Variants in FBXL16 observed in about 807,000 individuals in gnomAD.
The protein encoded by FBXL16 is F-box/LRR-repeat protein 16.
FBXL16 carries 7 observed loss-of-function variants against 36.7 expected under a neutral mutation model. The observed-to-expected ratio is 0.19, with a 90% CI of 0.11 to 0.36. FBXL16 has a LOEUF of 0.36. Ranked by LOEUF, FBXL16 falls within the 10% of genes least tolerant of loss-of-function variation. FBXL16 has a pLI of 1.00. For synonymous variants in FBXL16, 355 were observed against 308.7 expected (o/e 1.15, Z -1.57); for missense variants, 463 against 659.4 (o/e 0.70, Z 3.26).
At position 697,356 on chromosome 16, in the gene FBXL16, C is replaced by G; in HGVS notation, c.50G>C (p.Arg17Pro). 3 of 1,536,902 alleles carry G rather than the reference C, an allele frequency of 2.0e-6. No individual in the cohort carries two copies. Among genetic ancestry groups the G allele is most frequent in the African/African-American group, 1.4e-5 (1 of 73,198 alleles). The change falls in exon 2 of 6, where the codon CGA becomes CCA. Residue 17 changes from arginine to proline, a missense_variant. Physicochemically the swap from Arg to Pro is moderately radical, Grantham distance 103. Coordinates refer to ENST00000397621, the MANE Select transcript of FBXL16 (RefSeq NM_153350.4). The surrounding 1 kb of genome is among the most constrained non-coding windows in gnomAD (Gnocchi z 4.6). ...GCCCGGCAGCTTCACCAGACCGTTT[C>G]GAGGCAAGCATGGAGGCTTGGGGTC... ...DGDPKPPCLP[R>P]NGLVKLPGQP...
rs551918404 is a variant in FBXL16 at position 697,187 on chromosome 16, C to T, written c.219G>A (p.Pro73=). The T allele has an allele frequency of 8.5e-4, 1,315 of 1,552,260 alleles. 9 individuals carry two copies. Among genetic ancestry groups the T allele is most frequent in the East Asian group, 1.3e-3 (57 of 43,864 alleles). The change falls in exon 2 of 6, where the codon CCG becomes CCA. Residue 73 remains proline, a synonymous_variant. Coordinates refer to ENST00000397621, the MANE Select transcript of FBXL16 (RefSeq NM_153350.4). The surrounding 1 kb of genome is among the most constrained non-coding windows in gnomAD (Gnocchi z 4.6). ...AGGCTGGTCCACCTGCCGGGGTGCA[C>T]GGGCCCCCAGCCAGGGCAGCCCGGG... The part of the protein sequence containing the change: ...PLSRAALAGG[P]CTPAGGPASA...
intron 2 of FBXL16, among the ~76,000 whole-genome samples, chr16:696,425 G>A (rs913992381): frequency 6.6e-6 from 1 of 151,958 alleles, no homozygotes; most frequent in Admixed American, 6.6e-5. Context: ...CACCAGGCCT[G>A]GCTAATTTCT....
chr16:705,587 C>G lies in FBXL16; in HGVS notation c.-90G>C, dbSNP rs901734414. On this transcript the variant is annotated 5_prime_UTR_variant, in exon 1 of 6. Transcript: ENST00000397621. ...GTCATGGGGAGCCCGGCATGGGCGT[C>G]GGCGCGCGGGGGCCGCCGGGGTGCT... 1 of 150,108 alleles carries G rather than the reference C, an allele frequency of 6.7e-6. No homozygotes were observed. The highest frequency in any genetic ancestry group is 2.4e-5 in the African/African-American group (1 of 41,140). 9.3% of individuals were successfully genotyped at this position (150,108 alleles called of 1,614,324 possible). A position where few individuals can be genotyped will look rare whatever the true frequency, so the allele number is the denominator to read the frequency against.
chr16:694,660 C>G lies in FBXL16; in HGVS notation c.1265G>C (p.Gly422Ala), dbSNP rs894171479. 2 of 1,610,200 alleles carry G rather than the reference C, an allele frequency of 1.2e-6. No homozygotes were observed. Residue 422 changes from glycine (G) to alanine (A), a missense_variant, in exon 5 of 6, where the codon GGG (glycine) becomes GCG (alanine). This residue lies in a region of FBXL16 where 134 missense variants were observed against 172.0 expected (regional missense o/e 0.78). Transcript: ENST00000397621. ...DFGLKHLLALGSLRLLSLAGC... is the reference protein window; with the variant it reads ...DFGLKHLLALASLRLLSLAGC... ...TGCCAGAGACAGGAGGCGCAAACTC[C>G]CCAGGGCCAGGAGGTGCTTCAGCCC...
chr16:700,536 C>T (rs528335030), intron 1 of FBXL16, among the ~76,000 whole-genome samples: 127 of 152,236 alleles, frequency 8.3e-4, no homozygotes, highest in African/African-American at 3.0e-3. Context: ...CTCTGAGGAG[C>T]GAATTTGCCC....
chr16:700,366 G>A (rs1277309259), intron 1 of FBXL16, among the ~76,000 whole-genome samples: 3 of 152,182 alleles, frequency 2.0e-5, no homozygotes, highest in Non-Finnish European at 4.4e-5. Context: ...ACCCACAGCC[G>A]GTGACCCCCA....
intron 1 of FBXL16, among the ~76,000 whole-genome samples, chr16:701,990 G>C (rs1158305165): frequency 6.6e-6 from 1 of 152,180 alleles, no homozygotes; most frequent in African/African-American, 2.4e-5. Flanking sequence ...CGTGGCCTCT[G>C]TGTCCTCCCC....
At chr16:705,310 G>A (rs1180765227) in intron 1 of FBXL16, among the ~76,000 whole-genome samples, 1 of 151,568 alleles carries the variant, frequency 6.6e-6, no homozygotes. Context: ...GGGCCGGGGC[G>A]CGGGGCTGCG....
At chr16:694,558 C>T (rs1372593129) in intron 5 of FBXL16, 76 bp downstream of exon 5, 2 of 1,531,730 alleles carry the variant, frequency 1.3e-6, no homozygotes, top group African/African-American at 2.7e-5. Flanking sequence ...TGCACAAGGA[C>T]CGGGCAGGTT....
intron 3 of FBXL16, 25 bp downstream of exon 3, chr16:695,390 C>A: frequency 6.7e-7 from 1 of 1,496,474 alleles, no homozygotes; most frequent in South Asian, 1.2e-5. Context: ...CCCAGCCCCG[C>A]CCGGCGCGGC....
In FBXL16 at chr16:693,493, A is replaced by T. The variant is rs1458995042; in HGVS notation, c.*782T>A. ...AGGCCGACCGGAGTCAGCTGGGATC[A>T]CGTTAATGACTCCAAGCGATCGCCA... On this transcript the variant is annotated 3_prime_UTR_variant, in exon 6 of 6. Transcript: ENST00000397621. 1 of 152,570 alleles carries T rather than the reference A, an allele frequency of 6.6e-6. No individual in the cohort carries two copies. The highest frequency in any genetic ancestry group is 1.5e-5 in the Non-Finnish European group (1 of 68,072). The allele number at this position is 152,570 out of a possible 1,614,324, so 9.5% of individuals were successfully genotyped here.
chr16:704,707 G>A (rs899436071), intron 1 of FBXL16, among the ~76,000 whole-genome samples: 1 of 152,248 alleles, frequency 6.6e-6, no homozygotes. Context: ...GCACGGGTGT[G>A]GGGGAAGGGC....
intron 4 of FBXL16, 37 bp downstream of exon 4, chr16:694,955 C>T: frequency 6.6e-7 from 1 of 1,507,682 alleles, no homozygotes; most frequent in South Asian, 1.3e-5. Context: ...CCCACCTCCC[C>T]GCCGATCCCC....
chr16:699,334 G>A (rs530663394), intron 1 of FBXL16, among the ~76,000 whole-genome samples: 157 of 152,334 alleles, frequency 1.0e-3, no homozygotes, highest in Non-Finnish European at 1.4e-3. Context: ...GCACAGCCAC[G>A]GAAAGAAGCA....
Position 697,406 on chromosome 16 carries a change from C to A in FBXL16, c.-1G>T. ...CGCCGTCGATGCCCGGGCTCGACAT[C>A]TTCCTGGCACGCTCTGTGGATGAGG... On this transcript the variant is annotated 5_prime_UTR_variant, in exon 2 of 6. Transcript: ENST00000397621. The surrounding 1 kb of genome is among the most constrained non-coding windows in gnomAD (Gnocchi z 4.6). 6.5e-7 allele frequency: 1 copy of A among 1,532,040 alleles called. No homozygotes were observed. Among genetic ancestry groups the A allele is most frequent in the Non-Finnish European group, 8.7e-7 (1 of 1,145,102 alleles). The allele number at this position is 1,532,040 out of a possible 1,614,324, so 94.9% of individuals were successfully genotyped here. A position where few individuals can be genotyped will look rare whatever the true frequency, so the allele number is the denominator to read the frequency against.
rs750502676 is a variant in FBXL16 at position 697,173 on chromosome 16, C to G, written c.233G>C (p.Gly78Ala). 9 of 1,496,096 alleles carry G rather than the reference C, an allele frequency of 6.0e-6. No homozygotes were observed. Among genetic ancestry groups the G allele is most frequent in the Non-Finnish European group, 8.1e-6 (9 of 1,113,616 alleles). 92.7% of individuals were successfully genotyped at this position (1,496,096 alleles called of 1,614,324 possible). The change falls in exon 2 of 6, where the codon GGT becomes GCT. Residue 78 changes from glycine to alanine, a missense_variant. Around this residue, in one of 3 missense-constraint regions of FBXL16, gnomAD observed 263 missense variants for 341.1 expected, o/e 0.77. Transcript: ENST00000397621. The surrounding 1 kb of genome is among the most constrained non-coding windows in gnomAD (Gnocchi z 4.6). The stretch of plus-strand genomic sequence containing the variant: ...AGGTGCCAAGGCTGAGGCTGGTCCA[C>G]CTGCCGGGGTGCACGGGCCCCCAGC... ...ALAGGPCTPA[G>A]GPASALAPGH...
chr16:704,764 G>T (rs2040079198), intron 1 of FBXL16, among the ~76,000 whole-genome samples: 1 of 152,214 alleles, frequency 6.6e-6, no homozygotes, highest in African/African-American at 2.4e-5. Context: ...TGCTCCTCCT[G>T]CGGAGGGCAG....
chr16:705,694 G>T lies in FBXL16; in HGVS notation c.-197C>A, dbSNP rs1462356569. 3 of 148,750 alleles carry T rather than the reference G, an allele frequency of 2.0e-5. No homozygotes were observed. Among genetic ancestry groups the T allele is most frequent in the African/African-American group, 7.3e-5 (3 of 41,002 alleles). The allele number at this position is 148,750 out of a possible 1,614,324, so 9.2% of individuals were successfully genotyped here. ...CCCCCTCGGCAGCGCACGGAAAGGA[G>T]CTCCCCGGTGGGAGAGGATCGGCCG... On this transcript the variant is annotated 5_prime_UTR_variant, in exon 1 of 6. Transcript: ENST00000397621.
chr16:699,273 G>A (rs1048008465), intron 1 of FBXL16, among the ~76,000 whole-genome samples: 6 of 152,212 alleles, frequency 3.9e-5, no homozygotes, highest in East Asian at 1.9e-4. Context: ...GAGCAGTCCC[G>A]GGCACCCTCC....
Sources: gnomAD v4.1 joint callset for allele counts (sites outside exome capture counted in the v4.1 genomes callset) on GRCh38, gnomAD v4.1.1 for gene constraint, gnomAD v4.1.1 regional missense constraint, Gnocchi (gnomAD v3.1) non-coding constraint, MANE v1.5 for transcripts, NCBI Gene and HGNC (gene_info 2026-07-23, HGNC 2026-07-21) for gene names.